VPS13C: variants seen among roughly 807,000 people sequenced by gnomAD.
VPS13C encodes the protein vacuolar protein sorting 13 homolog C.
A neutral mutation model predicts 456.8 loss-of-function variants in VPS13C; 358 were observed. The ratio of observed to expected loss-of-function variants is 0.78; its 90% CI spans 0.72 to 0.86. The LOEUF (loss-of-function observed/expected upper bound fraction) is 0.86. Ranked by LOEUF, VPS13C falls within the 40% of genes least tolerant of loss-of-function variation. The pLI is 0.00. For synonymous variants in VPS13C, 1,578 were observed against 1,486.7 expected (o/e 1.06, Z -1.41); for missense variants, 4,818 against 4,385.4 (o/e 1.10, Z -2.79).
At chr15:61,923,931 T>C (rs1416417835) in intron 53 of VPS13C, among the ~76,000 whole-genome samples, 6 of 129,384 alleles carry the variant, frequency 4.6e-5, no homozygotes, top group Non-Finnish European at 7.9e-5. Flanking sequence ...AGTGGCGGGA[T>C]CTCGGCTCAC....
intron 23 of VPS13C, among the ~76,000 whole-genome samples, chr15:61,978,356 T>A (rs2045773440): frequency 6.6e-6 from 1 of 152,168 alleles, no homozygotes; most frequent in Non-Finnish European, 1.5e-5. Flanking sequence ...TAAGCAGTTT[T>A]ATAGTCACAT....
chr15:61,917,196 G>T lies in VPS13C; in HGVS notation c.8055+145C>A, dbSNP rs563761386. 1.5e-3 allele frequency: 1,271 copies of T among 853,018 alleles called. 2 individuals carry two copies. The highest frequency in any genetic ancestry group is 2.0e-3 in the Non-Finnish European group (1,094 of 559,566). 52.8% of individuals were successfully genotyped at this position (853,018 alleles called of 1,614,324 possible). ...CTGGCACATAGTAAATGTTATGCCA[G>T]TTTTTGCTATCATTAACATTATGAA... On this transcript the variant is annotated intron_variant, in intron 60 of 84. Transcript: ENST00000644861.
chr15:62,018,805 A>G (rs1381991115), intron 9 of VPS13C, among the ~76,000 whole-genome samples: 2 of 152,158 alleles, frequency 1.3e-5, no homozygotes, highest in African/African-American at 4.8e-5. Context: ...GACTCATAAA[A>G]TGAGTTAGGG....
At chr15:61,959,381 T>A (rs912349865) in intron 36 of VPS13C, 67 bp downstream of exon 36, 80 of 1,396,424 alleles carry the variant, frequency 5.7e-5, no homozygotes, top group Non-Finnish European at 7.6e-5. Flanking sequence ...TTCATTTGGA[T>A]TTCTGCTAAA....
chr15:61,979,519 C>G lies in VPS13C; in HGVS notation c.2167-770G>C, dbSNP rs2140376940. 2.0e-5 allele frequency among the ~76,000 whole-genome samples: 3 copies of G among 152,250 alleles called. 1 individual carries two copies. Among genetic ancestry groups the G allele is most frequent in the African/African-American group, 7.2e-5 (3 of 41,554 alleles). On this transcript the variant is annotated intron_variant, in intron 22 of 84. Transcript: ENST00000644861. ...ATGCTTTATGAAAAATGTATGGGAACAGTGCCCCAAAGAAATTAGCAGTTT... is the reference window on the plus strand; with the variant it reads ...ATGCTTTATGAAAAATGTATGGGAAGAGTGCCCCAAAGAAATTAGCAGTTT...
At chr15:62,046,837 A>G (rs1472940574) in intron 1 of VPS13C, among the ~76,000 whole-genome samples, 1 of 152,226 alleles carries the variant, frequency 6.6e-6, no homozygotes, top group Non-Finnish European at 1.5e-5. Context: ...GAAAACTACC[A>G]ATATGGCTAA....
chr15:62,008,031 G>T (rs1347035348), intron 14 of VPS13C, among the ~76,000 whole-genome samples: 2 of 151,998 alleles, frequency 1.3e-5, no homozygotes, highest in Non-Finnish European at 2.9e-5. Flanking sequence ...ACAAGGTCAG[G>T]AGTTCAAGAT....
At chr15:62,017,788 C>T (rs1298064934) in intron 9 of VPS13C, among the ~76,000 whole-genome samples, 16 of 151,986 alleles carry the variant, frequency 1.1e-4, no homozygotes, top group Admixed American at 5.2e-4. Flanking sequence ...TGGTTCCATA[C>T]GAACTTTAAA....
chr15:61,982,426 G>T, intron 21 of VPS13C, 33 bp downstream of exon 21: 1 of 1,537,330 alleles, frequency 6.5e-7, no homozygotes, highest in Non-Finnish European at 8.8e-7. Context: ...TTTAAGCTTA[G>T]CTGATGCTTA....
chr15:61,974,250 A>G lies in VPS13C; in HGVS notation c.2538+38T>C, dbSNP rs370512727. On this transcript the variant is annotated intron_variant, in intron 25 of 84. Transcript: ENST00000644861. ...GACTTTTCATCACTGCTCTAAAACAATAAAAATAGGGTTATACATTTTATT... is the reference window on the plus strand; with the variant it reads ...GACTTTTCATCACTGCTCTAAAACAGTAAAAATAGGGTTATACATTTTATT... 3.8e-6 allele frequency: 6 copies of G among 1,570,828 alleles called. No individual in the cohort carries two copies. The Admixed American group carries it at 5.4e-5, about 14-fold the overall frequency.
intron 30 of VPS13C, 138 bp downstream of exon 30, chr15:61,965,945 C>T (rs541417972): frequency 5.8e-5 from 29 of 504,262 alleles, no homozygotes; most frequent in African/African-American, 1.4e-4. Context: ...TGGTAAGTAT[C>T]GATGAGGTTA....
intron 66 of VPS13C, among the ~76,000 whole-genome samples, chr15:61,901,058 T>A (rs987727920): frequency 2.0e-5 from 3 of 151,912 alleles, no homozygotes; most frequent in Admixed American, 2.0e-4. Flanking sequence ...GCTAGCCATA[T>A]GTAGAAAGCT....
At position 62,005,064 on chromosome 15, in the gene VPS13C, C is replaced by T. The variant is rs921247251; in HGVS notation, c.1290+2244G>A. ...GCTTGGTGCAGAGCTGAGTTCAATT[C>T]CTGGGTATCCTTGTTGACTTTCTGT... On this transcript the variant is annotated intron_variant, in intron 15 of 84. Coordinates refer to ENST00000644861, the MANE Select transcript of VPS13C (RefSeq NM_020821.3). Among the ~76,000 whole-genome samples, 29 of 151,912 alleles carry T rather than the reference C, an allele frequency of 1.9e-4. 1 individual carries two copies. Among genetic ancestry groups the T allele is most frequent in the Admixed American group, 1.9e-3 (29 of 15,262 alleles).
At position 62,023,634 on chromosome 15, in the gene VPS13C, CTTTA is replaced by C. The variant is rs2047537448; in HGVS notation, c.515-118_515-115del. ...CAATGGAAATTACAGCCAATAGTGT[CTTTA>C]TTTATATTTTAATATGCATTTCCAA... is the stretch of plus-strand genomic sequence containing the variant. On this transcript the variant is annotated intron_variant, in intron 7 of 84. Coordinates refer to ENST00000644861, the MANE Select transcript of VPS13C (RefSeq NM_020821.3). The C allele has an allele frequency of 3.6e-6, 4 of 1,103,462 alleles. No homozygotes were observed. In the African/African-American group the frequency reaches 6.4e-5, roughly 18 times the overall value. The allele number at this position is 1,103,462 out of a possible 1,614,324, so 68.4% of individuals were successfully genotyped here. A position where few individuals can be genotyped will look rare whatever the true frequency, so the allele number is the denominator to read the frequency against.
rs570702935 is a variant in VPS13C, at chr15:61,896,136, C to G, written c.9106-5736G>C. 2.0e-5 allele frequency among the ~76,000 whole-genome samples: 3 copies of G among 152,240 alleles called. No homozygotes were observed. In the South Asian group the frequency reaches 6.2e-4, roughly 32 times the overall value. Reference sequence around the variant, plus strand: ...GCCTGAGCAGACCAGTAACAAGCAACAAGATCAAAGCAATAATAAAAAGTC... The same window carrying G: ...GCCTGAGCAGACCAGTAACAAGCAAGAAGATCAAAGCAATAATAAAAAGTC... On this transcript the variant is annotated intron_variant, in intron 66 of 84. Coordinates refer to ENST00000644861, the MANE Select transcript of VPS13C (RefSeq NM_020821.3).
intron 81 of VPS13C, chr15:61,866,252 A>G: frequency 1.0e-6 from 1 of 984,750 alleles, no homozygotes; most frequent in Non-Finnish European, 1.2e-6. Context: ...TCTTCCAGTA[A>G]TTATAATAAT....
chr15:61,946,533 A>G, intron 43 of VPS13C, 123 bp from the exon 44 acceptor site: 1 of 526,068 alleles, frequency 1.9e-6, no homozygotes, highest in Non-Finnish European at 3.1e-6. Flanking sequence ...TATAAGACAC[A>G]TTAATGGCAT....
At chr15:61,965,523 TTTC>T (rs1281244594) in intron 30 of VPS13C, among the ~76,000 whole-genome samples, 5 of 152,028 alleles carry the variant, frequency 3.3e-5, no homozygotes, top group East Asian at 3.9e-4. Flanking sequence ...TAAAAATGAA[TTTC>T]TTTTCATTTT....
Position 61,974,427 on chromosome 15 carries a change from C to T in VPS13C, c.2409-10G>A. The stretch of plus-strand genomic sequence containing the variant: ...TCCTGACACTTTAAATCTAAAAATA[C>T]AATTCAGTGGTTTTAAGTCAGCATC... On this transcript the variant is annotated splice_polypyrimidine_tract_variant and intron_variant, in intron 24 of 84. Coordinates refer to ENST00000644861, the MANE Select transcript of VPS13C (RefSeq NM_020821.3). 1 of 1,610,176 alleles carries T rather than the reference C, an allele frequency of 6.2e-7. No individual in the cohort carries two copies. The highest frequency in any genetic ancestry group is 8.5e-7 in the Non-Finnish European group (1 of 1,177,724).
Sources: allele counts gnomAD v4.1 joint callset (sites outside exome capture counted in the v4.1 genomes callset), GRCh38; gene constraint gnomAD v4.1.1; transcripts MANE v1.5; gene names NCBI Gene and HGNC (gene_info 2026-07-23, HGNC 2026-07-21).